MUC4: variants seen among roughly 807,000 people sequenced by gnomAD.
MUC4 encodes mucin-4.
MUC4 carries 202 observed loss-of-function variants against 257.9 expected under a neutral mutation model. The ratio of observed to expected loss-of-function variants is 0.78; its 90% CI spans 0.70 to 0.88. The LOEUF (loss-of-function observed/expected upper bound fraction) is 0.88, where lower values mean the gene tolerates loss of function less well. Among genes scored for constraint, MUC4 ranks in the 40% least tolerant of loss-of-function variants. The pLI, the probability that MUC4 is intolerant of heterozygous loss-of-function variation, is 0.00. For missense variants in MUC4, 5,976 were observed against 6,513.7 expected, an observed-to-expected ratio of 0.92 and a Z score of 2.84; for synonymous variants, 2,351 against 2,757.1, an observed-to-expected ratio of 0.85 and a Z score of 4.62.
intron 4 of MUC4, 98 bp from the exon 5 acceptor site, chr3:195,771,914 A>G (rs1283497597): frequency 7.6e-6 from 10 of 1,313,638 alleles, no homozygotes; most frequent in Non-Finnish European, 9.6e-6. Context: ...CCCCAAGGGT[A>G]GAGCTTTAGA....
chr3:195,786,579 G>T lies in MUC4; in HGVS notation c.5001C>A (p.Val1667=), dbSNP rs1440357871. ...ASTGHATPLP[V]TSTSSASTGH... ...CGGTGGATGCTGAGGAAGTGCTGGT[G>T]ACAGGAAGAGGGGTGGCGTGACCTG... is the stretch of plus-strand genomic sequence containing the variant. The change falls in exon 2 of 25, where the codon GTC becomes GTA. Residue 1667 remains valine, a synonymous_variant. Coordinates refer to ENST00000463781, the MANE Select transcript of MUC4 (RefSeq NM_018406.7). 2.1e-5 allele frequency: 32 copies of T among 1,527,100 alleles called. 2 individuals are homozygous for T. The highest frequency in any genetic ancestry group is 2.3e-5 in the Non-Finnish European group (26 of 1,132,392). The allele number at this position is 1,527,100 out of a possible 1,614,324, so 94.6% of individuals were successfully genotyped here. A position where few individuals can be genotyped will look rare whatever the true frequency, so the allele number is the denominator to read the frequency against.
At chr3:195,767,745 TCGCCACCACCACCATCACCAC>T (rs1721512070) in intron 7 of MUC4, among the ~76,000 whole-genome samples, 1 of 12,746 alleles carries the variant, frequency 7.8e-5, no homozygotes, top group African/African-American at 4.3e-4. Context: ...ACCATCACCA[TCGCCACCACCACCATCACCAC>T]CACCACCACC....
rs748121701 is a variant in MUC4 at position 195,749,077 on chromosome 3, A to T, written c.15872-13T>A. 16 of 1,607,460 alleles carry T rather than the reference A, an allele frequency of 1.0e-5. No homozygotes were observed. The African/African-American group carries it at 2.1e-4, about 22-fold the overall frequency. On this transcript the variant is annotated splice_polypyrimidine_tract_variant and intron_variant, in intron 23 of 24. Coordinates refer to ENST00000463781, the MANE Select transcript of MUC4 (RefSeq NM_018406.7). Reference sequence around the variant, plus strand: ...GTGCTCACGTTCACTGTCGGGAAGGACACAGATTAACACAGAAAGCAACCG... The same window carrying T: ...GTGCTCACGTTCACTGTCGGGAAGGTCACAGATTAACACAGAAAGCAACCG...
chr3:195,759,141 G>C lies in MUC4; in HGVS notation c.14969C>G (p.Thr4990Ser), dbSNP rs561914832. The C allele has an allele frequency of 6.4e-5, 104 of 1,613,870 alleles. No individual in the cohort carries two copies. Among genetic ancestry groups the C allele is most frequent in the Non-Finnish European group, 8.6e-5 (101 of 1,180,002 alleles). Residue 4990 changes from threonine to serine, a missense_variant, in exon 17 of 25, where the codon ACC becomes AGC. Physicochemically the swap from Thr to Ser is moderately conservative, Grantham distance 58. Coordinates refer to ENST00000463781, the MANE Select transcript of MUC4 (RefSeq NM_018406.7). Reference sequence around the variant, plus strand: ...AGTCCTACCAAAGAGCTCCAAGTCGGTGCAGCTGTCTCTGAGCGTGAAGTT... The same window carrying C: ...AGTCCTACCAAAGAGCTCCAAGTCGCTGCAGCTGTCTCTGAGCGTGAAGTT... Reference protein sequence around the residue: ...DANFTLRDSCTDLELFENGTL... With the variant: ...DANFTLRDSCSDLELFENGTL...
At position 195,779,592 on chromosome 3, in the gene MUC4, A is replaced by G. The variant is rs200746179; in HGVS notation, c.11988T>C (p.Gly3996=). The G allele has an allele frequency of 7.1e-7, 1 of 1,400,912 alleles. No homozygotes were observed. The highest frequency in any genetic ancestry group is 2.8e-5 in the East Asian group (1 of 35,880). The allele number at this position is 1,400,912 out of a possible 1,614,324, so 86.8% of individuals were successfully genotyped here. The change falls in exon 2 of 25, where the codon GGT becomes GGC. Residue 3996 remains glycine, a synonymous_variant. Coordinates refer to ENST00000463781, the MANE Select transcript of MUC4 (RefSeq NM_018406.7). ...TGGTGACAGGAAGAGGGGTGGCGTG[A>G]CCTGTGGATACTGAGGAAGTGTCGG... ...PVTDTSSVST[G]HATPLPVTST... is the part of the protein sequence containing the mutation.
At position 195,810,789 on chromosome 3, in the gene MUC4, G is replaced by T. The variant is rs79077800; in HGVS notation, c.82+947C>A. On this transcript the variant is annotated intron_variant, in intron 1 of 24. Coordinates refer to ENST00000463781, the MANE Select transcript of MUC4 (RefSeq NM_018406.7). The surrounding 1 kb of genome is among the most constrained non-coding windows in gnomAD (Gnocchi z 4.2). ...TTCCCAGGGTCCTCAGTTTGTCTGC[G>T]TCTCACCTGTCTCGTCCTCTCACCC... Among the ~76,000 whole-genome samples, 1 of 151,856 alleles carries T rather than the reference G, an allele frequency of 6.6e-6. No individual in the cohort carries two copies. The highest frequency in any genetic ancestry group is 2.4e-5 in the African/African-American group (1 of 41,318).
At position 195,755,306 on chromosome 3, in the gene MUC4, G is replaced by A. The variant is rs1459384896; in HGVS notation, c.15169-934C>T. On this transcript the variant is annotated intron_variant, in intron 18 of 24. Coordinates refer to ENST00000463781, the MANE Select transcript of MUC4 (RefSeq NM_018406.7). The surrounding 1 kb of genome is among the most constrained non-coding windows in gnomAD (Gnocchi z 5.0). ...CCCCTCCCAAGTTAAAGCAATTCTT[G>A]TGCCTCAGCCTCCCAAATACTTGAG... Among the ~76,000 whole-genome samples, 2 of 151,274 alleles carry A rather than the reference G, an allele frequency of 1.3e-5. No individual in the cohort carries two copies. The highest frequency in any genetic ancestry group is 1.9e-4 in the East Asian group (1 of 5,170).
intron 3 of MUC4, among the ~76,000 whole-genome samples, chr3:195,775,683 TACCTTCCACACC>T (rs1724412143): frequency 8.6e-5 from 2 of 23,242 alleles, no homozygotes; most frequent in Non-Finnish European, 1.5e-4. Context: ...TCCACACCGA[TACCTTCCACACC>T]CATACCTTCC....
Position 195,782,227 on chromosome 3 carries a change from G to C in MUC4, c.9353C>G (p.Thr3118Ser), listed in dbSNP as rs1208206764. ...TSPSSASTGH[T>S]TPLPVTDTSS... ...AGTGTCGGTGACAGGAAGAGGGGTGGTGTGACCTGTGGATGCTGAGGAAGG... is the reference window on the plus strand; with the variant it reads ...AGTGTCGGTGACAGGAAGAGGGGTGCTGTGACCTGTGGATGCTGAGGAAGG... Residue 3118 changes from threonine to serine, a missense_variant, in exon 2 of 25, where the codon ACC becomes AGC. By Grantham distance (58) the Thr-to-Ser change is moderately conservative (BLOSUM62 1). Coordinates refer to ENST00000463781, the MANE Select transcript of MUC4 (RefSeq NM_018406.7). 2.9e-6 allele frequency: 4 copies of C among 1,402,502 alleles called. 1 individual carries two copies. Among genetic ancestry groups the C allele is most frequent in the Non-Finnish European group, 3.8e-6 (4 of 1,058,916 alleles). 86.9% of individuals were successfully genotyped at this position (1,402,502 alleles called of 1,614,324 possible).
Position 195,757,426 on chromosome 3 carries a change from C to G in MUC4, c.14987-98G>C. 12 of 1,090,366 alleles carry G rather than the reference C, an allele frequency of 1.1e-5. No homozygotes were observed. Among genetic ancestry groups the G allele is most frequent in the Non-Finnish European group, 1.6e-5 (12 of 763,986 alleles). 67.5% of individuals were successfully genotyped at this position (1,090,366 alleles called of 1,614,324 possible). ...GCTTCCCCCACCCCTCTCAGGCCAC[C>G]CTCCCCCTCCCCAGACAAATCTCAT... is the stretch of plus-strand genomic sequence containing the variant. On this transcript the variant is annotated intron_variant, in intron 17 of 24. Coordinates refer to ENST00000463781, the MANE Select transcript of MUC4 (RefSeq NM_018406.7). This position sits in a 1 kb window ranked among gnomAD's most constrained non-coding sequence, Gnocchi z 4.8.
Position 195,778,397 on chromosome 3 carries a change from G to T in MUC4, c.12849C>A (p.Pro4283=). Residue 4283 remains proline (P), a synonymous_variant, in exon 3 of 25, where the codon CCC becomes CCA. Coordinates refer to ENST00000463781, the MANE Select transcript of MUC4 (RefSeq NM_018406.7). ...DGGRRTATSP[P]PTTSQTIIST... is the part of the protein sequence containing the mutation. ...AAATGATGGTCTGGGAGGTTGTGGG[G>T]GGTGGTGATGTGGCTGTGCGTCTCC... 1.2e-6 allele frequency: 2 copies of T among 1,613,228 alleles called. No homozygotes were observed. Among genetic ancestry groups the T allele is most frequent in the East Asian group, 2.2e-5 (1 of 44,876 alleles).
At chr3:195,797,459 A>C (rs1734712592) in intron 1 of MUC4, among the ~76,000 whole-genome samples, 1 of 152,130 alleles carries the variant, frequency 6.6e-6, no homozygotes. Flanking sequence ...TCCTGTTAAA[A>C]CTCCTAGCAA....
At chr3:195,795,204 A>C (rs757232057) in intron 1 of MUC4, among the ~76,000 whole-genome samples, 34 of 152,196 alleles carry the variant, frequency 2.2e-4, no homozygotes, top group Non-Finnish European at 4.6e-4. Context: ...GCATTTGTCT[A>C]TCATCAGGCT....
chr3:195,811,618 C>T (rs908551314), intron 1 of MUC4, 118 bp downstream of exon 1: 2 of 850,928 alleles, frequency 2.4e-6, no homozygotes, highest in Non-Finnish European at 3.7e-6. Flanking sequence ...TTCGCTGTCT[C>T]CCTTTCCCCT....
intron 17 of MUC4, among the ~76,000 whole-genome samples, chr3:195,758,179 C>A (rs1481545621): frequency 6.6e-6 from 1 of 152,154 alleles, no homozygotes; most frequent in Non-Finnish European, 1.5e-5. Context: ...GCCCTTGGAC[C>A]CTTTGAATTA....
At chr3:195,763,719 G>C (rs1347374215) in intron 11 of MUC4, 78 bp from the exon 12 acceptor site, 13 of 1,345,130 alleles carry the variant, frequency 9.7e-6, no homozygotes, top group Admixed American at 2.8e-5. Context: ...AGTCAGGTGC[G>C]GCACTTGTCC....
chr3:195,783,331 GTGTCACCTGTGGATACTGAGGAAGTCTC>G lies in MUC4; in HGVS notation c.8221_8248del (p.Glu2741ProfsTer254). 7.7e-7 allele frequency: 1 copy of G among 1,304,052 alleles called. No individual in the cohort carries two copies. The highest frequency in any genetic ancestry group is 1.0e-6 in the Non-Finnish European group (1 of 966,994). The allele number at this position is 1,304,052 out of a possible 1,614,324, so 80.8% of individuals were successfully genotyped here. A position where few individuals can be genotyped will look rare whatever the true frequency, so the allele number is the denominator to read the frequency against. ...AGTGTCGGTGACAGGAAGAGGGGTG[GTGTCACCTGTGGATACTGAGGAAGTCTC>G]GGTGACAAGAAGAGGGGTGGTGTCA... On this transcript the variant is annotated frameshift_variant, in exon 2 of 25. Transcript: ENST00000463781. LOFTEE classifies it high-confidence loss of function.
At chr3:195,796,012 A>T (rs1359696806) in intron 1 of MUC4, among the ~76,000 whole-genome samples, 2 of 152,164 alleles carry the variant, frequency 1.3e-5, no homozygotes, top group African/African-American at 4.8e-5. Context: ...TACTGTCCTT[A>T]AAAATATAAT....
intron 1 of MUC4, among the ~76,000 whole-genome samples, chr3:195,800,811 C>T (rs778402740): frequency 3.4e-5 from 5 of 147,802 alleles, no homozygotes; most frequent in African/African-American, 1.0e-4. Context: ...AATCCCAGCA[C>T]GGACAGGCAG....
Sources: allele counts gnomAD v4.1 joint callset (sites outside exome capture counted in the v4.1 genomes callset), GRCh38; gene constraint gnomAD v4.1.1; non-coding constraint Gnocchi (gnomAD v3.1); transcripts MANE v1.5; gene names NCBI Gene and HGNC (gene_info 2026-07-23, HGNC 2026-07-21).